Variants in KIAA0825 observed in about 807,000 individuals in gnomAD.
KIAA0825 encodes the protein KIAA0825.
A neutral mutation model predicts 147.6 loss-of-function variants in KIAA0825; 119 were observed. That is an observed-to-expected ratio of 0.81 (90% CI 0.69 to 0.94). The LOEUF is 0.94. Among genes scored for constraint, KIAA0825 ranks in the 40% least tolerant of loss-of-function variants. The pLI, the probability that KIAA0825 is intolerant of heterozygous loss-of-function variation, is 0.00. For missense variants in KIAA0825, 1,381 were observed against 1,472.7 expected, an observed-to-expected ratio of 0.94 and a Z score of 1.02; for synonymous variants, 470 against 518.1, an observed-to-expected ratio of 0.91 and a Z score of 1.26.
chr5:94,462,511 A>G lies in KIAA0825; in HGVS notation c.2122T>C (p.Ser708Pro). The change falls in exon 12 of 21, where the codon TCT becomes CCT. Residue 708 changes from serine (S) to proline (P), a missense_variant. By Grantham distance (74) the Ser-to-Pro change is moderately conservative. Transcript: ENST00000682413. ...TENMLWSVCT[S>P]VQKLLNPHQH... is the part of the protein sequence containing the mutation. ...TGAGGATTCAAAAGTTTCTGTACAG[A>G]TGTACAAACTGACCATAACATGTTC... 1 of 1,543,940 alleles carries G rather than the reference A, an allele frequency of 6.5e-7. No homozygotes were observed. The highest frequency in any genetic ancestry group is 8.7e-7 in the Non-Finnish European group (1 of 1,143,224).
At chr5:94,319,560 C>G (rs1779970017) in intron 20 of KIAA0825, among the ~76,000 whole-genome samples, 1 of 151,912 alleles carries the variant, frequency 6.6e-6, no homozygotes, top group African/African-American at 2.4e-5. Flanking sequence ...TCTCAATAAT[C>G]ATATGCTCAT....
chr5:94,488,396 T>C (rs1763317375), intron 5 of KIAA0825, among the ~76,000 whole-genome samples: 1 of 152,206 alleles, frequency 6.6e-6, no homozygotes, highest in Admixed American at 6.5e-5. Context: ...TATTTGGCTA[T>C]GATGAGCTCT....
chr5:94,332,160 CAA>C (rs34035583), intron 20 of KIAA0825, among the ~76,000 whole-genome samples: 2,802 of 93,858 alleles, frequency 0.03, 94 homozygotes, highest in African/African-American at 0.1. Context: ...GACTCCATCT[CAA>C]AAAAAAAAAA....
chr5:94,435,505 C>T (rs1429619172), intron 14 of KIAA0825, among the ~76,000 whole-genome samples: 1 of 152,056 alleles, frequency 6.6e-6, no homozygotes, highest in Non-Finnish European at 1.5e-5. Flanking sequence ...ACCACATTTT[C>T]TTTATCCAGT....
intron 20 of KIAA0825, among the ~76,000 whole-genome samples, chr5:94,192,578 TG>T (rs1352825929): frequency 1.3e-5 from 2 of 152,186 alleles, no homozygotes; most frequent in Non-Finnish European, 2.9e-5. Context: ...TCCAAATGAT[TG>T]GGATATAAGG....
intron 20 of KIAA0825, among the ~76,000 whole-genome samples, chr5:94,379,243 C>T (rs1470623651): frequency 6.6e-6 from 1 of 152,144 alleles, no homozygotes; most frequent in East Asian, 1.9e-4. Context: ...TTAGGTTTTA[C>T]ATTTAAGTCT....
intron 20 of KIAA0825, among the ~76,000 whole-genome samples, chr5:94,254,928 G>A (rs1233628409): frequency 2.0e-5 from 3 of 151,908 alleles, no homozygotes; most frequent in Non-Finnish European, 4.4e-5. Context: ...AGTGAGTCAA[G>A]GATTACAGAT....
intron 20 of KIAA0825, among the ~76,000 whole-genome samples, chr5:94,213,659 A>C (rs943996560): frequency 2.0e-5 from 3 of 152,218 alleles, no homozygotes; most frequent in African/African-American, 7.2e-5. Flanking sequence ...TATGTCTGTG[A>C]AAGTCACATT....
intron 20 of KIAA0825, among the ~76,000 whole-genome samples, chr5:94,295,377 G>C (rs1455973061): frequency 6.6e-6 from 1 of 151,916 alleles, no homozygotes; most frequent in Non-Finnish European, 1.5e-5. Context: ...AGCTCCTTTA[G>C]CTCAGAGGAG....
At chr5:94,471,871 T>C (rs1761247011) in intron 8 of KIAA0825, 140 bp from the exon 9 acceptor site, 1 of 760,488 alleles carries the variant, frequency 1.3e-6, no homozygotes, top group African/African-American at 1.8e-5. Flanking sequence ...ATAATCGATT[T>C]CTCAGTTGTA....
chr5:94,188,850 T>G (rs1320280192), intron 20 of KIAA0825, among the ~76,000 whole-genome samples: 2 of 152,222 alleles, frequency 1.3e-5, no homozygotes, highest in Non-Finnish European at 1.5e-5. Context: ...ACTGTCAGAT[T>G]GATTTCTAAA....
chr5:94,405,388 A>G (rs1334772699), intron 15 of KIAA0825, among the ~76,000 whole-genome samples: 1 of 152,194 alleles, frequency 6.6e-6, no homozygotes, highest in African/African-American at 2.4e-5. Context: ...GCTTTATAAA[A>G]GCAATGGAAA....
At chr5:94,528,509 T>C (rs560058718) in intron 3 of KIAA0825, among the ~76,000 whole-genome samples, 1 of 152,264 alleles carries the variant, frequency 6.6e-6, no homozygotes, top group Non-Finnish European at 1.5e-5. Context: ...GTCAACCAAC[T>C]GTGAAATACT....
At chr5:94,419,907 A>G (rs1275421272) in intron 14 of KIAA0825, among the ~76,000 whole-genome samples, 1 of 152,156 alleles carries the variant, frequency 6.6e-6, no homozygotes, top group Non-Finnish European at 1.5e-5. Flanking sequence ...ATGATAAATT[A>G]TTTGATCAAC....
chr5:94,268,307 T>C (rs1776822813), intron 20 of KIAA0825, among the ~76,000 whole-genome samples: 1 of 152,100 alleles, frequency 6.6e-6, no homozygotes, highest in South Asian at 2.1e-4. Flanking sequence ...TTTACTAGCA[T>C]TGAAGCTGAG....
intron 20 of KIAA0825, among the ~76,000 whole-genome samples, chr5:94,231,933 A>G (rs1053017585): frequency 4.6e-5 from 7 of 152,140 alleles, no homozygotes; most frequent in Non-Finnish European, 7.4e-5. Context: ...AACTGTGTAT[A>G]ACTGGAAGCC....
chr5:94,265,606 C>T (rs1776708494), intron 20 of KIAA0825, among the ~76,000 whole-genome samples: 1 of 152,126 alleles, frequency 6.6e-6, no homozygotes, highest in Admixed American at 6.6e-5. Flanking sequence ...TGAGACCAGC[C>T]TGGCCAACAT....
chr5:94,209,098 C>A (rs1772466172), intron 20 of KIAA0825, among the ~76,000 whole-genome samples: 1 of 152,168 alleles, frequency 6.6e-6, no homozygotes, highest in South Asian at 2.1e-4. Context: ...AGGAATTCTT[C>A]AGGATTTAAA....
intron 20 of KIAA0825, among the ~76,000 whole-genome samples, chr5:94,260,805 G>A (rs1217784952): frequency 6.6e-6 from 1 of 152,126 alleles, no homozygotes; most frequent in Non-Finnish European, 1.5e-5. Flanking sequence ...AGTAACAGGA[G>A]TTGCAAGTGG....
Sources: allele counts gnomAD v4.1 joint callset (sites outside exome capture counted in the v4.1 genomes callset), GRCh38; gene constraint gnomAD v4.1.1; transcripts MANE v1.5; gene names NCBI Gene and HGNC (gene_info 2026-07-23, HGNC 2026-07-21).